The following CAT variants were observed in gnomAD, a reference collection of about 807,000 sequenced individuals.
The protein encoded by CAT is catalase, also known as epididymis secretory sperm binding protein.
A neutral mutation model predicts 59.0 loss-of-function variants in CAT; 43 were observed. That is an observed-to-expected ratio of 0.73 (90% CI 0.57 to 0.94). The LOEUF is 0.94. CAT is among the 40% of genes least tolerant of loss of function. The pLI is 0.00. For missense variants in CAT, 664 were observed against 682.9 expected (o/e 0.97, Z 0.31); for synonymous variants, 218 against 230.9 (o/e 0.94, Z 0.51).
chr11:34,441,493 A>G (rs1479772862), intron 1 of CAT, among the ~76,000 whole-genome samples: 1 of 152,036 alleles, frequency 6.6e-6, no homozygotes, highest in Non-Finnish European at 1.5e-5. Flanking sequence ...TTTTTTTTCT[A>G]TTGTAAGTAA....
At chr11:34,468,209 C>T (rs1249769405) in intron 10 of CAT, 79 bp from the exon 11 acceptor site, 4 of 971,086 alleles carry the variant, frequency 4.1e-6, no homozygotes, top group Non-Finnish European at 5.0e-6. Flanking sequence ...CATTGATTTC[C>T]TAAGTGTTGT....
intron 8 of CAT, among the ~76,000 whole-genome samples, chr11:34,458,348 G>A (rs1314091997): frequency 6.6e-6 from 1 of 152,148 alleles, no homozygotes. Flanking sequence ...GAGTAGGAGT[G>A]AAAAGCTTTC....
At chr11:34,452,033 A>G in intron 3 of CAT, 44 bp from the exon 4 acceptor site, 2 of 1,612,218 alleles carry the variant, frequency 1.2e-6, no homozygotes, top group South Asian at 2.2e-5. Flanking sequence ...CTTGGATGCA[A>G]AGTGCTGTGG....
At position 34,464,108 on chromosome 11, in the gene CAT, G is replaced by A. The variant is rs757195247; in HGVS notation, c.1199G>A (p.Gly400Asp). The A allele has an allele frequency of 1.2e-6, 2 of 1,614,040 alleles. No individual in the cohort carries two copies. Among genetic ancestry groups the A allele is most frequent in the African/African-American group, 1.3e-5 (1 of 74,976 alleles). ...TCTGGGTGGTTTTGTTTTGAAGGTG[G>A]TGCTCCAAATTACTACCCCAACAGC... is the stretch of plus-strand genomic sequence containing the variant. Reference protein sequence around the residue: ...GPMCMQDNQGGAPNYYPNSFG... With the variant: ...GPMCMQDNQGDAPNYYPNSFG... The change falls in exon 10 of 13, where the codon GGT becomes GAT. Residue 400 changes from glycine (G) to aspartate (D), a missense_variant. Coordinates refer to ENST00000241052, the MANE Select transcript of CAT (RefSeq NM_001752.4).
At chr11:34,459,125 C>T (rs551627428) in intron 8 of CAT, among the ~76,000 whole-genome samples, 1 of 152,166 alleles carries the variant, frequency 6.6e-6, no homozygotes, top group East Asian at 1.9e-4. Context: ...CTATCAGTTC[C>T]AATACCATGG....
Position 34,453,149 on chromosome 11 carries a change from C to T in CAT, c.540C>T (p.Asp180=), listed in dbSNP as rs1856548832. ...CTCAGACACATCTGAAGGATCCGGACATGGTCTGGGACTTCTGGAGCCTAC... is the reference window on the plus strand; with the variant it reads ...CTCAGACACATCTGAAGGATCCGGATATGGTCTGGGACTTCTGGAGCCTAC... ...RNPQTHLKDP[D]MVWDFWSLRP... The change falls in exon 5 of 13, where the codon GAC becomes GAT. Residue 180 remains aspartate, a synonymous_variant. Transcript: ENST00000241052. 1.2e-6 allele frequency: 2 copies of T among 1,613,662 alleles called. No homozygotes were observed. Among genetic ancestry groups the T allele is most frequent in the African/African-American group, 1.3e-5 (1 of 75,024 alleles).
rs1488934475 is a variant in CAT, at chr11:34,449,266, T to TG, written c.144dup (p.Pro49AlafsTer11). On this transcript the variant is annotated frameshift_variant, in exon 2 of 13. Coordinates refer to ENST00000241052, the MANE Select transcript of CAT (RefSeq NM_001752.4). LOFTEE classifies it high-confidence loss of function. ...TTAATGTTATTACAGTAGGGCCCCG[T>TG]GGGCCCCTTCTTGTTCAGGATGTGG... The TG allele has an allele frequency of 4.3e-6, 7 of 1,611,946 alleles. No homozygotes were observed. Among genetic ancestry groups the TG allele is most frequent in the Non-Finnish European group, 5.1e-6 (6 of 1,178,064 alleles).
intron 8 of CAT, 137 bp from the exon 9 acceptor site, chr11:34,461,114 G>A (rs1856644478): frequency 7.5e-6 from 7 of 934,722 alleles, no homozygotes; most frequent in Non-Finnish European, 1.2e-5. Context: ...TCACTCTTAA[G>A]TAGCGGGAAA....
chr11:34,450,862 A>G (rs1027939814), intron 2 of CAT, 126 bp from the exon 3 acceptor site: 10 of 777,412 alleles, frequency 1.3e-5, no homozygotes, highest in African/African-American at 1.2e-4. Context: ...CCTTCCTCCA[A>G]CATACTGGAA....
chr11:34,450,521 G>T (rs999941743), intron 2 of CAT, among the ~76,000 whole-genome samples: 1 of 152,084 alleles, frequency 6.6e-6, no homozygotes, highest in African/African-American at 2.4e-5. Flanking sequence ...CCTGGATAAG[G>T]TTTCTCCCCA....
At position 34,461,150 on chromosome 11, in the gene CAT, C is replaced by CA. The variant is rs1310043518; in HGVS notation, c.1057-100dup. ...GGCAGAATTTTGTGGTAACCATGTA[C>CA]AGAGTGCTTTGTACTTCAAATTTCA... On this transcript the variant is annotated intron_variant, in intron 8 of 12. Transcript: ENST00000241052. 3 of 1,286,310 alleles carry CA rather than the reference C, an allele frequency of 2.3e-6. No homozygotes were observed. In the Admixed American group the frequency reaches 5.0e-5, roughly 22 times the overall value. 79.7% of individuals were successfully genotyped at this position (1,286,310 alleles called of 1,614,324 possible).
chr11:34,468,500 T>A, intron 11 of CAT, 105 bp downstream of exon 11: 1 of 771,856 alleles, frequency 1.3e-6, no homozygotes, highest in Non-Finnish European at 2.2e-6. Flanking sequence ...TTACTTGACT[T>A]AAGAGAACTT....
chr11:34,453,874 T>C lies in CAT; in HGVS notation c.659T>C (p.Phe220Ser), dbSNP rs889964408. The change falls in exon 6 of 13, where the codon TTC becomes TCC. Residue 220 changes from phenylalanine (F) to serine (S), a missense_variant. Coordinates refer to ENST00000241052, the MANE Select transcript of CAT (RefSeq NM_001752.4). The stretch of plus-strand genomic sequence containing the variant: ...ATGAATGGATATGGATCACATACTT[T>C]CAAGCTGGTTAATGCAAATGGGGAG... ...RHMNGYGSHT[F>S]KLVNANGEAV... The C allele has an allele frequency of 1.2e-6, 2 of 1,613,998 alleles. No individual in the cohort carries two copies. Among genetic ancestry groups the C allele is most frequent in the Non-Finnish European group, 1.7e-6 (2 of 1,179,840 alleles).
rs771038065 is a variant in CAT, at chr11:34,453,182, G to A, written c.573G>A (p.Glu191=). 87 of 1,602,508 alleles carry A rather than the reference G, an allele frequency of 5.4e-5. 2 individuals carry two copies. In the Middle Eastern group the frequency reaches 4.9e-3, roughly 91 times the overall value. The change falls in exon 5 of 13, where the codon GAG becomes GAA. Residue 191 remains glutamate, a synonymous_variant. Coordinates refer to ENST00000241052, the MANE Select transcript of CAT (RefSeq NM_001752.4). ...MVWDFWSLRP[E]SLHQVSFLFS... ...GGGACTTCTGGAGCCTACGTCCTGA[G>A]TCTCTGCATCAGGTATGAACCCTTT...
intron 6 of CAT, among the ~76,000 whole-genome samples, chr11:34,455,551 A>G (rs1856578565): frequency 6.6e-6 from 1 of 151,954 alleles, no homozygotes; most frequent in Non-Finnish European, 1.5e-5. Context: ...AAAAAAAGGA[A>G]TAGGACAGGG....
Position 34,471,978 on chromosome 11 carries a change from A to G in CAT, c.*545A>G, listed in dbSNP as rs1254135914. On this transcript the variant is annotated 3_prime_UTR_variant, in exon 13 of 13. Transcript: ENST00000241052. ...TCATTTTTTTCACTGGAGTTACATT[A>G]ATGTTAATTCAGCACTGATTTCACA... 6.1e-6 allele frequency: 1 copy of G among 164,226 alleles called. No individual in the cohort carries two copies. The highest frequency in any genetic ancestry group is 1.7e-4 in the East Asian group (1 of 5,924). 10.2% of individuals were successfully genotyped at this position (164,226 alleles called of 1,614,324 possible). A position where few individuals can be genotyped will look rare whatever the true frequency, so the allele number is the denominator to read the frequency against.
intron 10 of CAT, among the ~76,000 whole-genome samples, chr11:34,466,257 T>C (rs965529162): frequency 3.9e-5 from 6 of 152,126 alleles, no homozygotes; most frequent in Middle Eastern, 3.2e-3. Flanking sequence ...GCAAACAAAA[T>C]TTTCTTTGGT....
At chr11:34,462,314 C>T (rs771842494) in intron 9 of CAT, among the ~76,000 whole-genome samples, 1 of 151,454 alleles carries the variant, frequency 6.6e-6, no homozygotes, top group African/African-American at 2.4e-5. Context: ...AAAAATAATA[C>T]AAGTGTCCTA....
intron 8 of CAT, 29 bp from the exon 9 acceptor site, chr11:34,461,222 G>A: frequency 6.2e-7 from 1 of 1,613,112 alleles, no homozygotes; most frequent in Non-Finnish European, 8.5e-7. Context: ...ACTGCCCCTA[G>A]TCAGTGTCTA....
Sources: allele counts gnomAD v4.1 joint callset (sites outside exome capture counted in the v4.1 genomes callset), GRCh38; gene constraint gnomAD v4.1.1; transcripts MANE v1.5; gene names NCBI Gene and HGNC (gene_info 2026-07-23, HGNC 2026-07-21).